GRB2: variants seen among roughly 807,000 people sequenced by gnomAD.
The protein encoded by GRB2 is growth factor receptor bound protein 2, also known as growth factor receptor-bound protein 2.
Under a neutral mutation model 27.4 loss-of-function variants are expected in GRB2, and 2 were observed. That is an observed-to-expected ratio of 0.07 (90% CI 0.03 to 0.23). The LOEUF is 0.23. Among genes scored for constraint, GRB2 ranks in the 10% least tolerant of loss-of-function variants. GRB2 has a pLI of 1.00. For synonymous variants in GRB2, 94 were observed against 99.6 expected, an observed-to-expected ratio of 0.94 and a Z score of 0.33; for missense variants, 102 against 282.4, an observed-to-expected ratio of 0.36 and a Z score of 4.58.
At chr17:75,363,166 T>C (rs2078795996) in intron 2 of GRB2, among the ~76,000 whole-genome samples, 1 of 152,174 alleles carries the variant, frequency 6.6e-6, no homozygotes, top group Non-Finnish European at 1.5e-5. Flanking sequence ...ATCCCATAGA[T>C]CTCCTGGTTT....
chr17:75,322,095 C>T (rs947303683), intron 4 of GRB2, among the ~76,000 whole-genome samples: 6 of 152,122 alleles, frequency 3.9e-5, no homozygotes, highest in Non-Finnish European at 8.8e-5. Context: ...GAGTCCAGGC[C>T]GGGTGCGGTG....
chr17:75,375,729 A>G (rs2078888259), intron 2 of GRB2, among the ~76,000 whole-genome samples: 1 of 152,040 alleles, frequency 6.6e-6, no homozygotes, highest in African/African-American at 2.4e-5. Context: ...AAATATACAA[A>G]AAGTACTGGG....
Position 75,391,889 on chromosome 17 carries a change from T to C in GRB2, c.78+1662A>G, listed in dbSNP as rs544677967. 2.6e-5 allele frequency among the ~76,000 whole-genome samples: 4 copies of C among 152,104 alleles called. No individual in the cohort carries two copies. In the South Asian group the frequency reaches 8.3e-4, roughly 32 times the overall value. The stretch of plus-strand genomic sequence containing the variant: ...TTTAATTTGTTGCTTCAGTGCTTAA[T>C]GTGCAATGGGACAGATTTAGAGAAA... On this transcript the variant is annotated intron_variant, in intron 2 of 5. Transcript: ENST00000316804.
intron 2 of GRB2, among the ~76,000 whole-genome samples, chr17:75,387,983 T>C (rs2078975565): frequency 6.6e-6 from 1 of 152,180 alleles, no homozygotes. Context: ...AAATGAAAGT[T>C]CATTCTCAGC....
chr17:75,382,977 G>A (rs985662160), intron 2 of GRB2, among the ~76,000 whole-genome samples: 2 of 152,112 alleles, frequency 1.3e-5, no homozygotes, highest in African/African-American at 2.4e-5. Context: ...CCAAAGTGCT[G>A]GGATTACAGG....
At chr17:75,336,738 ATTT>A (rs557092472) in intron 2 of GRB2, among the ~76,000 whole-genome samples, 2 of 149,686 alleles carry the variant, frequency 1.3e-5, no homozygotes, top group East Asian at 3.9e-4. Context: ...TAAAAATGTA[ATTT>A]TTTTTTTTGA....
chr17:75,337,903 A>ACCAC (rs765653293), intron 2 of GRB2, among the ~76,000 whole-genome samples: 1 of 108,890 alleles, frequency 9.2e-6, no homozygotes, highest in Non-Finnish European at 1.9e-5. Flanking sequence ...TACTACTACT[A>ACCAC]TTATTATTAT....
chr17:75,353,422 T>C (rs1357917402), intron 2 of GRB2, among the ~76,000 whole-genome samples: 3 of 151,822 alleles, frequency 2.0e-5, no homozygotes, highest in African/African-American at 7.3e-5. Context: ...GTACTTCCTT[T>C]ACTGGTTGGG....
At chr17:75,385,817 C>T (rs1279688770) in intron 2 of GRB2, among the ~76,000 whole-genome samples, 1 of 152,196 alleles carries the variant, frequency 6.6e-6, no homozygotes, top group Non-Finnish European at 1.5e-5. Flanking sequence ...AAACGTTTCT[C>T]TGTGCAAGTG....
intron 2 of GRB2, among the ~76,000 whole-genome samples, chr17:75,363,423 G>GA (rs1169523726): frequency 2.0e-5 from 3 of 152,188 alleles, no homozygotes; most frequent in Non-Finnish European, 4.4e-5. Context: ...GGATTGTGGT[G>GA]AGGAGAGTGA....
intron 2 of GRB2, chr17:75,373,796 GTATT>G (rs1381106910): frequency 8.7e-6 from 1 of 114,340 alleles, no homozygotes; most frequent in Non-Finnish European, 1.7e-5. Flanking sequence ...CAAGGTACTG[GTATT>G]TTTTTTTTTT....
Position 75,393,654 on chromosome 17 carries a change from G to A in GRB2, c.-26C>T, listed in dbSNP as rs1471522795. On this transcript the variant is annotated 5_prime_UTR_variant, in exon 2 of 6. Coordinates refer to ENST00000316804, the MANE Select transcript of GRB2 (RefSeq NM_002086.5). ...TCTGAGCGCTGCTCAGTGCTCAGCA[G>A]CCTGAAGCAGGGGGAAGGGAGTCTT... The A allele has an allele frequency of 6.3e-7, 1 of 1,592,084 alleles. No homozygotes were observed. The highest frequency in any genetic ancestry group is 2.2e-5 in the East Asian group (1 of 44,760).
At chr17:75,394,459 G>C (rs2145873604) in intron 1 of GRB2, 1 of 152,302 alleles carries the variant, frequency 6.6e-6, no homozygotes, top group South Asian at 2.1e-4. Context: ...ACAGCTCCAA[G>C]CTGTGTACCA....
At chr17:75,368,522 GTTTGTTTT>G (rs1201281901) in intron 2 of GRB2, among the ~76,000 whole-genome samples, 2 of 149,050 alleles carry the variant, frequency 1.3e-5, no homozygotes, top group African/African-American at 5.0e-5. Context: ...TGCGTCAGGC[GTTTGTTTT>G]TTTTTTTGTT....
intron 2 of GRB2, among the ~76,000 whole-genome samples, chr17:75,361,547 T>G (rs1367290458): frequency 6.6e-6 from 1 of 152,154 alleles, no homozygotes; most frequent in Non-Finnish European, 1.5e-5. Flanking sequence ...TATCTAGACT[T>G]ATCATATTAC....
At chr17:75,376,344 CAAAAAAA>C (rs71159502) in intron 2 of GRB2, among the ~76,000 whole-genome samples, 2,144 of 74,510 alleles carry the variant, frequency 0.029, 55 homozygotes, top group African/African-American at 0.095. Flanking sequence ...GACTCTGTCT[CAAAAAAA>C]AAAAAAAAAA....
intron 4 of GRB2, among the ~76,000 whole-genome samples, chr17:75,322,543 A>G (rs2078467655): frequency 6.6e-6 from 1 of 152,218 alleles, no homozygotes; most frequent in South Asian, 2.1e-4. Context: ...TTCTCTCGTA[A>G]CTGGGAATAG....
At chr17:75,353,156 G>A (rs1036509605) in intron 2 of GRB2, among the ~76,000 whole-genome samples, 6 of 144,590 alleles carry the variant, frequency 4.1e-5, no homozygotes, top group Non-Finnish European at 9.0e-5. Context: ...CTGCACTTCA[G>A]CCTGGGCGAC....
intron 1 of GRB2, among the ~76,000 whole-genome samples, chr17:75,404,651 A>G (rs1041681020): frequency 6.6e-6 from 1 of 152,172 alleles, no homozygotes; most frequent in African/African-American, 2.4e-5. Context: ...TAACTGGAGA[A>G]AGAGGAGTAA....
Sources: allele counts gnomAD v4.1 joint callset (sites outside exome capture counted in the v4.1 genomes callset), GRCh38; gene constraint gnomAD v4.1.1; transcripts MANE v1.5; gene names NCBI Gene and HGNC (gene_info 2026-07-23, HGNC 2026-07-21).